The following KCNT1 variants were observed in gnomAD, a reference collection of about 807,000 sequenced individuals.
The protein encoded by KCNT1 is potassium sodium-activated channel subfamily T member 1, also known as potassium channel subfamily T member 1.
KCNT1 carries 78 observed loss-of-function variants against 147.8 expected under a neutral mutation model. The observed-to-expected ratio is 0.53, with a 90% CI of 0.44 to 0.64. The LOEUF is 0.64. Ranked by LOEUF, KCNT1 falls within the 30% of genes least tolerant of loss-of-function variation. KCNT1 has a pLI of 0.00. For synonymous variants in KCNT1, 867 were observed against 748.8 expected, an observed-to-expected ratio of 1.16 and a Z score of -2.58; for missense variants, 1,419 against 1,750.3, an observed-to-expected ratio of 0.81 and a Z score of 3.38.
chr9:135,759,481 G>A (rs543843865), intron 10 of KCNT1, among the ~76,000 whole-genome samples, 198 bp from the exon 11 acceptor site: 2 of 152,348 alleles, frequency 1.3e-5, no homozygotes, highest in East Asian at 1.9e-4. Flanking sequence ...GCAGGAGGTG[G>A]CTCCGGCAGA....
At chr9:135,777,949 T>C (rs1025605839) in intron 21 of KCNT1, among the ~76,000 whole-genome samples, 2 of 150,174 alleles carry the variant, frequency 1.3e-5, no homozygotes, top group Non-Finnish European at 3.0e-5. Flanking sequence ...CACCAGCTCC[T>C]CCCCACTCCC....
intron 29 of KCNT1, among the ~76,000 whole-genome samples, chr9:135,787,738 TTCCC>T (rs1207490128): frequency 6.6e-6 from 1 of 152,158 alleles, no homozygotes; most frequent in African/African-American, 2.4e-5. Context: ...GCCTTGAAGC[TTCCC>T]TCCATCCCCA....
chr9:135,746,223 C>T (rs976759409), intron 2 of KCNT1, among the ~76,000 whole-genome samples: 1 of 152,194 alleles, frequency 6.6e-6, no homozygotes, highest in Admixed American at 6.5e-5. Flanking sequence ...TCTGCCAGGC[C>T]CCAGCGTTTC....
intron 4 of KCNT1, 71 bp from the exon 5 acceptor site, chr9:135,753,866 C>A: frequency 6.5e-7 from 1 of 1,547,552 alleles, no homozygotes; most frequent in Non-Finnish European, 8.9e-7. Context: ...CCTGTGGAAG[C>A]CCTCGGGCAG....
chr9:135,756,992 G>GCCCCCCCCCCCC (rs1564351666), intron 7 of KCNT1, 60 bp downstream of exon 7: 18 of 688,822 alleles, frequency 2.6e-5, no homozygotes, highest in African/African-American at 1.2e-4. Flanking sequence ...ACCCTCCCCA[G>GCCCCCCCCCCCC]CCTCCCCCAC....
At chr9:135,774,159 G>A (rs1007281028) in intron 19 of KCNT1, among the ~76,000 whole-genome samples, 7 of 151,758 alleles carry the variant, frequency 4.6e-5, no homozygotes, top group African/African-American at 1.2e-4. Flanking sequence ...GTCTGGGTGT[G>A]TGTGGTATGT....
intron 29 of KCNT1, chr9:135,789,388 G>A (rs759470366): frequency 6.6e-6 from 1 of 152,378 alleles, no homozygotes; most frequent in Non-Finnish European, 1.5e-5. Flanking sequence ...AGAACAGGAA[G>A]AGTCACACCC....
chr9:135,759,594 G>T (rs1229434872), intron 10 of KCNT1, 85 bp from the exon 11 acceptor site: 2 of 1,430,432 alleles, frequency 1.4e-6, no homozygotes, highest in Non-Finnish European at 1.9e-6. Flanking sequence ...GGCAGTGAGG[G>T]TCCCGTGGGC....
chr9:135,749,119 T>C (rs1298012098), intron 2 of KCNT1, among the ~76,000 whole-genome samples: 1 of 152,166 alleles, frequency 6.6e-6, no homozygotes, highest in Non-Finnish European at 1.5e-5. Context: ...GGAGTTTTCC[T>C]CTCAGGGGAT....
In KCNT1 at chr9:135,772,275, T is replaced by C. The variant is rs571079371; in HGVS notation, c.2009-440T>C. 2.6e-5 allele frequency among the ~76,000 whole-genome samples: 4 copies of C among 152,240 alleles called. No homozygotes were observed. In the South Asian group the frequency reaches 8.3e-4, roughly 32 times the overall value. On this transcript the variant is annotated intron_variant, in intron 18 of 30. Transcript: ENST00000371757. ...CATACCTAGAGGTCCACAACCCCCA[T>C]CTGGCAGCCTGGGGTGGTGCAGGAG...
Position 135,764,993 on chromosome 9 carries a change from G to T in KCNT1, c.1036-38G>T. 1.9e-6 allele frequency: 3 copies of T among 1,583,214 alleles called. 1 individual carries two copies. The highest frequency in any genetic ancestry group is 2.6e-6 in the Non-Finnish European group (3 of 1,158,212). ...CTTCACCGGGAGCCCTCGCTCCCCA[G>T]GCCTGGTCGCTGGTGCTCACCTGTT... On this transcript the variant is annotated intron_variant, in intron 11 of 30. Transcript: ENST00000371757.
chr9:135,786,920 G>C (rs1834100831), intron 29 of KCNT1, among the ~76,000 whole-genome samples: 1 of 152,338 alleles, frequency 6.6e-6, no homozygotes, highest in African/African-American at 2.4e-5. Flanking sequence ...GGGTGGAGAG[G>C]GCCAGGCTGG....
intron 24 of KCNT1, among the ~76,000 whole-genome samples, chr9:135,782,909 C>G (rs1192570379): frequency 6.6e-6 from 1 of 152,222 alleles, no homozygotes; most frequent in African/African-American, 2.4e-5. Context: ...TTTCTCACGC[C>G]CCAGCCTTCC....
intron 4 of KCNT1, among the ~76,000 whole-genome samples, chr9:135,751,425 C>T (rs564799501): frequency 6.6e-6 from 1 of 152,216 alleles, no homozygotes; most frequent in South Asian, 2.1e-4. Context: ...AAGCCCCTAC[C>T]TGTTTCTGGG....
rs1332070255 is a variant in KCNT1, at chr9:135,786,419, A to G, written c.3400A>G (p.Ser1134Gly). 12 of 1,586,890 alleles carry G rather than the reference A, an allele frequency of 7.6e-6. No individual in the cohort carries two copies. The highest frequency in any genetic ancestry group is 1.0e-5 in the Non-Finnish European group (12 of 1,167,418). The change falls in exon 29 of 31, where the codon AGC (serine) becomes GGC (glycine). Residue 1134 changes from serine (S) to glycine (G), a missense_variant. By Grantham distance (56) the Ser-to-Gly change is moderately conservative. Transcript: ENST00000371757. ...AGRAAAAEWI[S>G]QQRLSLYRRS... ...CCGGGCGGCGGCCGCGGAGTGGATC[A>G]GCCAGCAGCGCCTCAGCCTGTACCG...
Position 135,757,245 on chromosome 9 carries a change from G to T in KCNT1, c.675+15G>T, listed in dbSNP as rs1171483239. ...TCATCATCACGGTGGGTGAGCCCCA[G>T]CTGCCAGGAGTGCGGGCCCTGGAGC... is the stretch of plus-strand genomic sequence containing the variant. On this transcript the variant is annotated intron_variant, in intron 8 of 30. Coordinates refer to ENST00000371757, the MANE Select transcript of KCNT1 (RefSeq NM_020822.3). 6.2e-7 allele frequency: 1 copy of T among 1,612,430 alleles called. No individual in the cohort carries two copies. The highest frequency in any genetic ancestry group is 1.7e-5 in the Admixed American group (1 of 59,956).
intron 1 of KCNT1, among the ~76,000 whole-genome samples, chr9:135,710,428 G>A (rs370808039): frequency 2.0e-5 from 3 of 152,166 alleles, no homozygotes; most frequent in Admixed American, 1.3e-4. Context: ...GAAGTTCTCC[G>A]GCCTCCATTT....
chr9:135,732,824 C>T (rs1471842074), intron 2 of KCNT1, among the ~76,000 whole-genome samples: 1 of 151,390 alleles, frequency 6.6e-6, no homozygotes, highest in Non-Finnish European at 1.5e-5. Flanking sequence ...TTCCTTCTTC[C>T]TTCCCTCCTT....
At position 135,714,517 on chromosome 9, in the gene KCNT1, G is replaced by A. The variant is rs1017353211; in HGVS notation, c.111-60G>A. ...GCGGGCCGGGCCTGGCGGGCCGGGGGCTGCGCGCGTCCGCGAGGGCGCCCG... is the reference window on the plus strand; with the variant it reads ...GCGGGCCGGGCCTGGCGGGCCGGGGACTGCGCGCGTCCGCGAGGGCGCCCG... On this transcript the variant is annotated intron_variant, in intron 1 of 30. Transcript: ENST00000371757. The surrounding 1 kb of genome is among the most constrained non-coding windows in gnomAD (Gnocchi z 6.2). 8 of 982,074 alleles carry A rather than the reference G, an allele frequency of 8.1e-6. No individual in the cohort carries two copies. Among genetic ancestry groups the A allele is most frequent in the African/African-American group, 1.8e-5 (1 of 56,602 alleles). The allele number at this position is 982,074 out of a possible 1,614,324, so 60.8% of individuals were successfully genotyped here.
Sources: allele counts gnomAD v4.1 joint callset (sites outside exome capture counted in the v4.1 genomes callset), GRCh38; gene constraint gnomAD v4.1.1; non-coding constraint Gnocchi (gnomAD v3.1); transcripts MANE v1.5; gene names NCBI Gene and HGNC (gene_info 2026-07-23, HGNC 2026-07-21).